MMS22L: variants seen among roughly 807,000 people sequenced by gnomAD.
The protein encoded by MMS22L is protein MMS22-like.
A neutral mutation model predicts 159.1 loss-of-function variants in MMS22L; 74 were observed. That is an observed-to-expected ratio of 0.47 (90% CI 0.39 to 0.56). The LOEUF (loss-of-function observed/expected upper bound fraction) is 0.56, where lower values mean the gene tolerates loss of function less well. Ranked by LOEUF, MMS22L falls within the 20% of genes least tolerant of loss-of-function variation. The pLI is 0.00. For missense variants in MMS22L, 1,351 were observed against 1,422.1 expected (o/e 0.95, Z 0.80); for synonymous variants, 517 against 506.9 (o/e 1.02, Z -0.27).
intron 11 of MMS22L, among the ~76,000 whole-genome samples, chr6:97,235,411 G>A (rs1811289789): frequency 6.6e-6 from 1 of 152,180 alleles, no homozygotes; most frequent in Non-Finnish European, 1.5e-5. Context: ...CAGAGTTGTT[G>A]ACATAAATTT....
chr6:97,147,036 T>C (rs1314104127), intron 24 of MMS22L, 149 bp from the exon 25 acceptor site: 5 of 525,346 alleles, frequency 9.5e-6, no homozygotes, highest in Non-Finnish European at 1.3e-5. Context: ...TCTTAAAAAG[T>C]AATGCTTTAT....
rs1199823244 is a variant in MMS22L at position 97,163,000 on chromosome 6, A to C, written c.3222-835T>G. 2.6e-5 allele frequency among the ~76,000 whole-genome samples: 4 copies of C among 152,144 alleles called. No homozygotes were observed. In the East Asian group the frequency reaches 5.8e-4, roughly 22 times the overall value. On this transcript the variant is annotated intron_variant, in intron 21 of 24. Coordinates refer to ENST00000683635, the MANE Select transcript of MMS22L (RefSeq NM_001350599.2). ...ATAATAACCATAAGGAAGAGAAACC[A>C]CTAAGTATTATAAACATAAGGACAG...
chr6:97,223,842 G>C (rs758402013), intron 14 of MMS22L, among the ~76,000 whole-genome samples: 1 of 152,062 alleles, frequency 6.6e-6, no homozygotes, highest in Non-Finnish European at 1.5e-5. Context: ...ACAGTAATCT[G>C]TTTGCAAATT....
At chr6:97,233,834 G>T (rs373178030) in intron 12 of MMS22L, 27 bp downstream of exon 12, 1 of 1,554,162 alleles carries the variant, frequency 6.4e-7, no homozygotes, top group East Asian at 2.3e-5. Flanking sequence ...AAAATTCCTG[G>T]AGCAAATTCC....
intron 9 of MMS22L, among the ~76,000 whole-genome samples, chr6:97,262,747 C>G (rs534891062): frequency 8.6e-5 from 13 of 151,946 alleles, no homozygotes; most frequent in Non-Finnish European, 1.8e-4. Flanking sequence ...TCAAAAGTAC[C>G]CTTTCATATA....
At chr6:97,246,573 T>C (rs746743438) in intron 11 of MMS22L, 55 bp downstream of exon 11, 66 of 1,421,642 alleles carry the variant, frequency 4.6e-5, no homozygotes, top group Middle Eastern at 1.8e-4. Flanking sequence ...AAAAATAAAA[T>C]TTGTAACATA....
At chr6:97,243,695 T>G (rs1812325609) in intron 11 of MMS22L, among the ~76,000 whole-genome samples, 1 of 152,138 alleles carries the variant, frequency 6.6e-6, no homozygotes, top group South Asian at 2.1e-4. Context: ...TTCTGGGTCC[T>G]TCTCATTTGG....
chr6:97,205,108 T>A (rs1364181744), intron 14 of MMS22L, among the ~76,000 whole-genome samples: 2 of 151,658 alleles, frequency 1.3e-5, no homozygotes, highest in Non-Finnish European at 2.9e-5. Flanking sequence ...CATGCCCAGC[T>A]AATTTTTTGT....
intron 14 of MMS22L, among the ~76,000 whole-genome samples, chr6:97,202,938 T>C (rs1352051727): frequency 6.6e-6 from 1 of 152,190 alleles, no homozygotes; most frequent in Non-Finnish European, 1.5e-5. Context: ...GGCAGTTGAG[T>C]TCTTTTCCTT....
At chr6:97,173,304 T>C in intron 18 of MMS22L, 82 bp from the exon 19 acceptor site, 2 of 1,341,452 alleles carry the variant, frequency 1.5e-6, no homozygotes, top group Non-Finnish European at 2.1e-6. Context: ...TTTTCTCTCT[T>C]TTTCTACATA....
chr6:97,259,317 A>G (rs936646256), intron 9 of MMS22L: 1 of 152,172 alleles, frequency 6.6e-6, no homozygotes, highest in Non-Finnish European at 1.5e-5. Flanking sequence ...GGATGCCAAG[A>G]TATTTGGTTA....
At chr6:97,265,719 CT>C (rs936341845) in intron 8 of MMS22L, 270 of 143,306 alleles carry the variant, frequency 1.9e-3, no homozygotes, top group Admixed American at 2.2e-3. Context: ...TTTCTTTTTT[CT>C]TTTTTTTTTT....
At chr6:97,279,189 T>G (rs1467307108) in intron 3 of MMS22L, among the ~76,000 whole-genome samples, 1 of 152,210 alleles carries the variant, frequency 6.6e-6, no homozygotes, top group Non-Finnish European at 1.5e-5. Context: ...ACTGTTTATA[T>G]CTTTAAGTTT....
intron 22 of MMS22L, among the ~76,000 whole-genome samples, chr6:97,155,944 C>T (rs1195483987): frequency 6.6e-6 from 1 of 152,102 alleles, no homozygotes; most frequent in Admixed American, 6.6e-5. Context: ...ATTCACACTC[C>T]CAACAGTGTG....
At chr6:97,246,501 T>C (rs1812657191) in intron 11 of MMS22L, 127 bp downstream of exon 11, 2 of 678,238 alleles carry the variant, frequency 2.9e-6, no homozygotes, top group Non-Finnish European at 4.9e-6. Context: ...TACTGTGAGT[T>C]AACCCTTCAA....
Position 97,186,662 on chromosome 6 carries a change from G to A in MMS22L, c.2068C>T (p.Leu690Phe). Residue 690 changes from leucine (L) to phenylalanine (F), a missense_variant, in exon 15 of 25, where the codon CTT (leucine) becomes TTT (phenylalanine). Coordinates refer to ENST00000683635, the MANE Select transcript of MMS22L (RefSeq NM_001350599.2). ...AATAGGTCCACATTGTCCCTTTGAAGTTCCTGACACAATTGTTGATGCATA... is the reference window on the plus strand; with the variant it reads ...AATAGGTCCACATTGTCCCTTTGAAATTCCTGACACAATTGTTGATGCATA... ...RSMHQQLCQE[L>F]QRDNVDLFVQ... 6.4e-7 allele frequency: 1 copy of A among 1,571,024 alleles called. No individual in the cohort carries two copies. Among genetic ancestry groups the A allele is most frequent in the Non-Finnish European group, 8.6e-7 (1 of 1,160,450 alleles).
chr6:97,184,455 G>A (rs564101077), intron 15 of MMS22L, among the ~76,000 whole-genome samples: 30 of 151,944 alleles, frequency 2.0e-4, no homozygotes, highest in African/African-American at 7.2e-4. Flanking sequence ...CATTATCTAA[G>A]TGCCTACTTA....
At chr6:97,181,369 G>C (rs1028684954) in intron 16 of MMS22L, among the ~76,000 whole-genome samples, 1 of 151,710 alleles carries the variant, frequency 6.6e-6, no homozygotes, top group African/African-American at 2.4e-5. Context: ...TTCCAATGAG[G>C]TTCCTCAGAT....
rs368382236 is a variant in MMS22L, at chr6:97,149,938, C to A, written c.3565G>T (p.Val1189Phe). Residue 1189 changes from valine (V) to phenylalanine (F), a missense_variant, in exon 24 of 25, where the codon GTT becomes TTT. By Grantham distance (50) the Val-to-Phe change is conservative (BLOSUM62 -1). Transcript: ENST00000683635. ...LETVATLDQQ[V>F]VIHLISTLTQ... ...AGGGTAGAAATCAAGTGGATGACAACCTGCTGGTCCAATGTTGCTACTGTT... is the reference window on the plus strand; with the variant it reads ...AGGGTAGAAATCAAGTGGATGACAAACTGCTGGTCCAATGTTGCTACTGTT... 1 of 1,613,500 alleles carries A rather than the reference C, an allele frequency of 6.2e-7. No homozygotes were observed. Among genetic ancestry groups the A allele is most frequent in the Non-Finnish European group, 8.5e-7 (1 of 1,179,766 alleles).
Sources: gnomAD v4.1 joint callset for allele counts (sites outside exome capture counted in the v4.1 genomes callset) on GRCh38, gnomAD v4.1.1 for gene constraint, MANE v1.5 for transcripts, NCBI Gene and HGNC (gene_info 2026-07-23, HGNC 2026-07-21) for gene names.